Variants in CAMK4 observed in about 807,000 individuals in gnomAD.
CAMK4 encodes the protein calcium/calmodulin dependent protein kinase IV.
In CAMK4, 22 loss-of-function variants were observed where a neutral mutation model predicts 44.9. The observed-to-expected ratio is 0.49, with a 90% confidence interval of 0.35 to 0.70. The LOEUF (loss-of-function observed/expected upper bound fraction) is 0.70. Ranked by LOEUF, CAMK4 falls within the 30% of genes least tolerant of loss-of-function variation. The pLI is 0.01. For missense variants in CAMK4, 498 were observed against 586.8 expected, an observed-to-expected ratio of 0.85 and a Z score of 1.56; for synonymous variants, 218 against 215.4, an observed-to-expected ratio of 1.01 and a Z score of -0.11.
intron 2 of CAMK4, among the ~76,000 whole-genome samples, chr5:111,346,521 CATCT>C (rs1749876643): frequency 1.9e-5 from 2 of 104,640 alleles, no homozygotes; most frequent in Non-Finnish European, 4.1e-5. Context: ...TATCTCCATC[CATCT>C]ATCTATTTCC....
intron 2 of CAMK4, among the ~76,000 whole-genome samples, chr5:111,346,927 G>A (rs987546211): frequency 6.6e-6 from 1 of 151,916 alleles, no homozygotes; most frequent in Non-Finnish European, 1.5e-5. Flanking sequence ...GGCAACTCAC[G>A]CTTAAGACCC....
At chr5:111,358,192 T>C (rs1750446855) in intron 2 of CAMK4, 1 of 152,150 alleles carries the variant, frequency 6.6e-6, no homozygotes, top group African/African-American at 2.4e-5. Context: ...CAACATGTTA[T>C]CTTTGCCAAA....
chr5:111,265,852 C>T (rs1414078075), intron 1 of CAMK4: 1 of 152,128 alleles, frequency 6.6e-6, no homozygotes, highest in Non-Finnish European at 1.5e-5. Flanking sequence ...TCACCAAGAC[C>T]TTGACATGTG....
chr5:111,430,408 A>G (rs1345854344), intron 5 of CAMK4, among the ~76,000 whole-genome samples: 1 of 152,222 alleles, frequency 6.6e-6, no homozygotes, highest in Non-Finnish European at 1.5e-5. Flanking sequence ...GTAACTCAAC[A>G]AGGATGCCCG....
chr5:111,358,511 A>T, intron 2 of CAMK4, among the ~76,000 whole-genome samples: 1 of 151,770 alleles, frequency 6.6e-6, no homozygotes, highest in East Asian at 1.9e-4. Context: ...CATTAGATGG[A>T]TGTTTTTCCC....
chr5:111,463,899 C>A (rs1280004142), intron 7 of CAMK4, among the ~76,000 whole-genome samples: 1 of 151,920 alleles, frequency 6.6e-6, no homozygotes, highest in African/African-American at 2.4e-5. Context: ...GAGAAGGAAC[C>A]AGAAAAACAA....
chr5:111,452,660 T>A (rs996911882), intron 7 of CAMK4, among the ~76,000 whole-genome samples: 49 of 152,352 alleles, frequency 3.2e-4, no homozygotes, highest in African/African-American at 1.1e-3. Flanking sequence ...TAATATATTG[T>A]CCTTTCCATA....
At chr5:111,453,674 A>G (rs1754315896) in intron 7 of CAMK4, among the ~76,000 whole-genome samples, 1 of 152,228 alleles carries the variant, frequency 6.6e-6, no homozygotes, top group Non-Finnish European at 1.5e-5. Flanking sequence ...TTAAACTTAC[A>G]TATCCTAGAG....
At chr5:111,399,751 TA>T (rs1752153533) in intron 5 of CAMK4, among the ~76,000 whole-genome samples, 1 of 152,266 alleles carries the variant, frequency 6.6e-6, no homozygotes, top group African/African-American at 2.4e-5. Flanking sequence ...ATTTCCTTAC[TA>T]CTGTTTCATT....
intron 5 of CAMK4, among the ~76,000 whole-genome samples, chr5:111,431,341 G>T (rs1356602381): frequency 1.3e-5 from 2 of 152,052 alleles, no homozygotes; most frequent in African/African-American, 4.8e-5. Flanking sequence ...CCTATGTCTT[G>T]CTGTATACAA....
At chr5:111,283,030 C>T (rs1430728184) in intron 1 of CAMK4, 2 of 152,160 alleles carry the variant, frequency 1.3e-5, no homozygotes, top group African/African-American at 2.4e-5. Context: ...TACCACTTGT[C>T]GCTAGCCTGG....
intron 1 of CAMK4, among the ~76,000 whole-genome samples, chr5:111,316,940 G>C (rs1003677543): frequency 6.6e-6 from 1 of 152,082 alleles, no homozygotes; most frequent in African/African-American, 2.4e-5. Context: ...TTTTGTAATT[G>C]TATCCTAATA....
intron 4 of CAMK4, among the ~76,000 whole-genome samples, chr5:111,393,693 A>G (rs1384795910): frequency 6.6e-6 from 1 of 152,052 alleles, no homozygotes; most frequent in Non-Finnish European, 1.5e-5. Flanking sequence ...GAGAGGAACA[A>G]CACACACTGG....
intron 2 of CAMK4, among the ~76,000 whole-genome samples, chr5:111,350,945 T>G (rs1306748756): frequency 6.6e-6 from 1 of 152,128 alleles, no homozygotes; most frequent in Non-Finnish European, 1.5e-5. Flanking sequence ...ACAGACTACA[T>G]AGGCTTTGTT....
intron 3 of CAMK4, among the ~76,000 whole-genome samples, chr5:111,375,779 G>A (rs1751192327): frequency 6.6e-6 from 1 of 152,108 alleles, no homozygotes; most frequent in South Asian, 2.1e-4. Flanking sequence ...CCTTGGTTCT[G>A]CCATCCTCAG....
chr5:111,227,346 T>C (rs1475380827), intron 1 of CAMK4, among the ~76,000 whole-genome samples: 1 of 152,212 alleles, frequency 6.6e-6, no homozygotes, highest in South Asian at 2.1e-4. Context: ...TTGGACCAAA[T>C]CCACCTGCTA....
intron 2 of CAMK4, among the ~76,000 whole-genome samples, chr5:111,358,839 G>A (rs1441499097): frequency 6.6e-6 from 1 of 152,018 alleles, no homozygotes; most frequent in Non-Finnish European, 1.5e-5. Context: ...CTGTTACTGT[G>A]TTAGTTTGGA....
At chr5:111,323,486 T>C (rs529013757) in intron 1 of CAMK4, among the ~76,000 whole-genome samples, 1 of 152,094 alleles carries the variant, frequency 6.6e-6, no homozygotes, top group South Asian at 2.1e-4. Flanking sequence ...ACAGTGAGTT[T>C]ATTGGGACCC....
At chr5:111,453,968 A>G (rs1015542985) in intron 7 of CAMK4, among the ~76,000 whole-genome samples, 2 of 152,178 alleles carry the variant, frequency 1.3e-5, no homozygotes, top group African/African-American at 4.8e-5. Flanking sequence ...TGGACTGGTT[A>G]ATCGGTATGT....
Sources: allele counts gnomAD v4.1 joint callset (sites outside exome capture counted in the v4.1 genomes callset), GRCh38; gene constraint gnomAD v4.1.1; transcripts MANE v1.5; gene names NCBI Gene and HGNC (gene_info 2026-07-23, HGNC 2026-07-21).